Variants in NUP37 observed in about 807,000 individuals in gnomAD.
NUP37 encodes nucleoporin 37.
NUP37 carries 33 observed loss-of-function variants against 45.4 expected under a neutral mutation model. The observed-to-expected ratio is 0.73, with a 90% confidence interval of 0.55 to 0.97. The LOEUF is 0.97. Ranked by LOEUF, NUP37 falls within the 50% of genes least tolerant of loss-of-function variation. NUP37 has a pLI of 0.00. For missense variants in NUP37, 365 were observed against 389.7 expected (o/e 0.94, Z 0.53); for synonymous variants, 127 against 130.7 (o/e 0.97, Z 0.19).
chr12:102,092,220 A>G (rs1322464547), intron 5 of NUP37, among the ~76,000 whole-genome samples: 1 of 152,226 alleles, frequency 6.6e-6, no homozygotes, highest in African/African-American at 2.4e-5. Context: ...GTTTTTTGAC[A>G]ACACAAAAGA....
At chr12:102,106,261 A>G (rs762589517) in intron 3 of NUP37, among the ~76,000 whole-genome samples, 24 of 152,166 alleles carry the variant, frequency 1.6e-4, no homozygotes, top group Non-Finnish European at 2.4e-4. Flanking sequence ...TTAAGTCATC[A>G]TGTTTGTGGT....
chr12:102,093,557 A>G (rs1879718775), intron 5 of NUP37, among the ~76,000 whole-genome samples: 1 of 152,112 alleles, frequency 6.6e-6, no homozygotes, highest in Non-Finnish European at 1.5e-5. Flanking sequence ...TTCATCTTTA[A>G]GGAATTCAGA....
At chr12:102,078,493 A>G (rs905533987) in intron 6 of NUP37, among the ~76,000 whole-genome samples, 2 of 152,214 alleles carry the variant, frequency 1.3e-5, no homozygotes, top group Non-Finnish European at 2.9e-5. Context: ...CTCAAGAGAG[A>G]CAGACATTTA....
In NUP37 at chr12:102,118,417, G is replaced by A; in HGVS notation, c.102C>T (p.Asn34=). 1 of 1,613,950 alleles carries A rather than the reference G, an allele frequency of 6.2e-7. No homozygotes were observed. Among genetic ancestry groups the A allele is most frequent in the South Asian group, 1.1e-5 (1 of 91,072 alleles). The change falls in exon 2 of 10, where the codon AAC becomes AAT. Residue 34 remains asparagine (N), a synonymous_variant. Coordinates refer to ENST00000552283, the MANE Select transcript of NUP37 (RefSeq NM_024057.4). ...FNPFENGDSG[N]LIAYGGNNYV... The stretch of plus-strand genomic sequence containing the variant: ...AATTATTGCCACCATATGCAATTAG[G>A]TTTCCTGAATCCCCATTCTCAAAGG...
Position 102,077,482 on chromosome 12 carries a change from C to A in NUP37, c.562G>T (p.Gly188Ter), listed in dbSNP as rs1160865280. The A allele has an allele frequency of 6.2e-7, 1 of 1,613,336 alleles. No individual in the cohort carries two copies. The change falls in exon 7 of 10, where the codon GGA becomes TGA. Residue 188 changes from glycine to a stop codon, truncating the protein, a stop_gained. Coordinates refer to ENST00000552283, the MANE Select transcript of NUP37 (RefSeq NM_024057.4). LOFTEE classifies it high-confidence loss of function. ...TFKLMVAEKN[G>*]TIRFYDLLAQ... ...AAAAGATCATAAAACCGGATTGTTCCATTCTTCTCTGCAACCATTAGCTGT... is the reference window on the plus strand; with the variant it reads ...AAAAGATCATAAAACCGGATTGTTCAATTCTTCTCTGCAACCATTAGCTGT...
intron 2 of NUP37, among the ~76,000 whole-genome samples, chr12:102,114,564 A>T (rs1179915683): frequency 6.6e-6 from 1 of 152,244 alleles, no homozygotes; most frequent in Non-Finnish European, 1.5e-5. Context: ...ACAAATGATT[A>T]TACAAGGTTT....
At chr12:102,091,488 G>T (rs1204600279) in intron 5 of NUP37, among the ~76,000 whole-genome samples, 1 of 128,748 alleles carries the variant, frequency 7.8e-6, no homozygotes, top group Non-Finnish European at 1.6e-5. Context: ...CATATGAAAA[G>T]ATGATAGACC....
At chr12:102,088,386 C>G (rs1879531803) in intron 5 of NUP37, among the ~76,000 whole-genome samples, 2 of 152,096 alleles carry the variant, frequency 1.3e-5, no homozygotes, top group Middle Eastern at 3.4e-3. Flanking sequence ...ATACACAAAT[C>G]TTAAATGTAC....
intron 5 of NUP37, among the ~76,000 whole-genome samples, chr12:102,089,545 C>T (rs1406038586): frequency 4.8e-5 from 7 of 146,904 alleles, no homozygotes; most frequent in South Asian, 2.2e-4. Context: ...CAGGCAGAGG[C>T]GCTCCTCACT....
intron 3 of NUP37, among the ~76,000 whole-genome samples, chr12:102,110,768 C>A (rs552069567): frequency 1.7e-4 from 26 of 152,168 alleles, no homozygotes; most frequent in Admixed American, 1.7e-3. Context: ...CGGCTTGAGC[C>A]TGGGAAGCAG....
chr12:102,099,511 CTTA>C (rs771278091), intron 4 of NUP37, among the ~76,000 whole-genome samples: 29 of 152,222 alleles, frequency 1.9e-4, no homozygotes, highest in Middle Eastern at 3.4e-3. Context: ...TCCTTTCTCA[CTTA>C]TTATATAAAG....
At chr12:102,089,429 C>T (rs1197497377) in intron 5 of NUP37, among the ~76,000 whole-genome samples, 19 of 141,248 alleles carry the variant, frequency 1.3e-4, no homozygotes, top group African/African-American at 4.3e-4. Context: ...TCCTCACTTC[C>T]GAGGCACTCC....
chr12:102,098,208 T>G (rs909082865), intron 5 of NUP37, among the ~76,000 whole-genome samples: 2 of 152,188 alleles, frequency 1.3e-5, no homozygotes, highest in Non-Finnish European at 2.9e-5. Context: ...CCACCTGCTA[T>G]TCTTCCTTTT....
At chr12:102,082,190 A>G (rs1417484462) in intron 6 of NUP37, among the ~76,000 whole-genome samples, 1 of 151,900 alleles carries the variant, frequency 6.6e-6, no homozygotes, top group Non-Finnish European at 1.5e-5. Context: ...TGTATATTTT[A>G]CTATCTGTTA....
At chr12:102,085,429 C>A (rs1410462944) in intron 6 of NUP37, among the ~76,000 whole-genome samples, 5 of 151,628 alleles carry the variant, frequency 3.3e-5, no homozygotes, top group Non-Finnish European at 5.9e-5. Context: ...CTAAAAAAAA[C>A]AAAAACAAAA....
intron 2 of NUP37, among the ~76,000 whole-genome samples, chr12:102,114,187 T>C (rs1880395323): frequency 6.6e-6 from 1 of 152,228 alleles, no homozygotes; most frequent in Non-Finnish European, 1.5e-5. Flanking sequence ...CAGTTTGGAT[T>C]ACATCTATTT....
At chr12:102,086,412 T>C (rs529430471) in intron 5 of NUP37, among the ~76,000 whole-genome samples, 1 of 152,362 alleles carries the variant, frequency 6.6e-6, no homozygotes. Flanking sequence ...TTCCTATTTA[T>C]ACCTTTTGTA....
At chr12:102,078,856 G>A (rs766868658) in intron 6 of NUP37, among the ~76,000 whole-genome samples, 21 of 152,040 alleles carry the variant, frequency 1.4e-4, no homozygotes, top group Non-Finnish European at 2.2e-4. Context: ...TTTATCAAAC[G>A]CACAAATTAA....
At chr12:102,101,165 C>G in intron 3 of NUP37, 61 bp from the exon 4 acceptor site, 1 of 859,974 alleles carries the variant, frequency 1.2e-6, no homozygotes, top group East Asian at 2.7e-5. Context: ...AGGTCTCCCC[C>G]TCCCCCCCAT....
Sources: gnomAD v4.1 joint callset for allele counts (sites outside exome capture counted in the v4.1 genomes callset) on GRCh38, gnomAD v4.1.1 for gene constraint, MANE v1.5 for transcripts, NCBI Gene and HGNC (gene_info 2026-07-23, HGNC 2026-07-21) for gene names.